The following TLE4 variants were observed in gnomAD, a reference collection of about 807,000 sequenced individuals.
The protein encoded by TLE4 is TLE family member 4, transcriptional corepressor.
A neutral mutation model predicts 92.8 loss-of-function variants in TLE4; 8 were observed. The observed-to-expected ratio is 0.09, with a 90% CI of 0.05 to 0.16. The LOEUF (loss-of-function observed/expected upper bound fraction) is 0.16, where lower values mean the gene tolerates loss of function less well. TLE4 is among the 10% of genes least tolerant of loss of function. TLE4 has a pLI of 1.00. For synonymous variants in TLE4, 371 were observed against 374.1 expected (o/e 0.99, Z 0.10); for missense variants, 675 against 997.6 (o/e 0.68, Z 4.36).
chr9:79,694,791 A>AG (rs1349926458), intron 8 of TLE4, among the ~76,000 whole-genome samples: 1 of 149,222 alleles, frequency 6.7e-6, no homozygotes, highest in Admixed American at 6.7e-5. Context: ...AAAAAAAAGC[A>AG]GGGGGGAGGA....
chr9:79,651,031 ATCTCTC>A (rs10580766), intron 6 of TLE4, among the ~76,000 whole-genome samples: 5,420 of 138,790 alleles, frequency 0.039, 225 homozygotes, highest in African/African-American at 0.1. Flanking sequence ...GGAATGATCG[ATCTCTC>A]TCTCTCTCTC....
chr9:79,593,718 A>G (rs2043242727), intron 4 of TLE4, among the ~76,000 whole-genome samples: 1 of 152,336 alleles, frequency 6.6e-6, no homozygotes, highest in African/African-American at 2.4e-5. Flanking sequence ...CTGTGTCTCC[A>G]TCATATATGC....
intron 9 of TLE4, 97 bp from the exon 10 acceptor site, chr9:79,705,792 T>C (rs2071374433): frequency 8.2e-7 from 1 of 1,215,404 alleles, no homozygotes; most frequent in African/African-American, 1.5e-5. Context: ...GTACAGCTCA[T>C]CTTTATAAGA....
intron 6 of TLE4, among the ~76,000 whole-genome samples, chr9:79,639,243 T>TA (rs1456838729): frequency 6.6e-6 from 1 of 152,016 alleles, no homozygotes; most frequent in Non-Finnish European, 1.5e-5. Context: ...GTGTGAGAAA[T>TA]AAAAATTCCT....
At chr9:79,708,304 A>C in intron 12 of TLE4, 54 bp downstream of exon 12, 1 of 1,582,880 alleles carries the variant, frequency 6.3e-7, no homozygotes, top group Non-Finnish European at 8.7e-7. Flanking sequence ...TAAGAATTTA[A>C]AGCAATTTAA....
chr9:79,688,053 TC>T (rs148355692), intron 8 of TLE4, among the ~76,000 whole-genome samples: 7,381 of 152,210 alleles, frequency 0.048, 250 homozygotes, highest in Non-Finnish European at 0.075. Flanking sequence ...GATGAGAACT[TC>T]CTTCCCTTGT....
intron 19 of TLE4, 102 bp downstream of exon 19, chr9:79,723,137 C>A: frequency 9.1e-7 from 1 of 1,100,590 alleles, no homozygotes. Context: ...GAGGTCAGAG[C>A]TAGTATTATG....
chr9:79,692,244 G>A (rs184612525), intron 8 of TLE4, among the ~76,000 whole-genome samples: 5 of 152,294 alleles, frequency 3.3e-5, no homozygotes, highest in African/African-American at 9.6e-5. Flanking sequence ...GAGGAAGAGC[G>A]CGACTTCTGA....
At chr9:79,623,497 G>T (rs2051594273) in intron 5 of TLE4, among the ~76,000 whole-genome samples, 1 of 152,110 alleles carries the variant, frequency 6.6e-6, no homozygotes, top group African/African-American at 2.4e-5. Flanking sequence ...ATGGAAGTAA[G>T]GCAAGTGATT....
chr9:79,635,461 C>T (rs2055499692), intron 6 of TLE4, among the ~76,000 whole-genome samples: 2 of 151,440 alleles, frequency 1.3e-5, no homozygotes, highest in African/African-American at 4.9e-5. Context: ...TAATCTTTGC[C>T]TAACCGAAGA....
chr9:79,702,664 A>C (rs1038917493), intron 8 of TLE4, among the ~76,000 whole-genome samples: 2 of 152,190 alleles, frequency 1.3e-5, no homozygotes, highest in Admixed American at 1.3e-4. Flanking sequence ...TGAACGTTTG[A>C]TAGGTCTAGG....
chr9:79,635,542 G>C (rs1211866911), intron 6 of TLE4, among the ~76,000 whole-genome samples: 1 of 141,994 alleles, frequency 7.0e-6, no homozygotes, highest in Non-Finnish European at 1.5e-5. Context: ...TTCAATTTTT[G>C]TTTATGGTAA....
At chr9:79,595,966 C>A (rs1587855961) in intron 4 of TLE4, among the ~76,000 whole-genome samples, 1 of 151,798 alleles carries the variant, frequency 6.6e-6, no homozygotes, top group Non-Finnish European at 1.5e-5. Context: ...CCTGCTTCAG[C>A]CTCCCAAGTA....
At chr9:79,624,941 G>A (rs1444798148) in intron 5 of TLE4, among the ~76,000 whole-genome samples, 1 of 151,008 alleles carries the variant, frequency 6.6e-6, no homozygotes, top group Non-Finnish European at 1.5e-5. Flanking sequence ...TGATACCTGT[G>A]TTGGATGTGA....
intron 5 of TLE4, among the ~76,000 whole-genome samples, chr9:79,621,337 C>T (rs2050921267): frequency 6.6e-6 from 1 of 152,076 alleles, no homozygotes; most frequent in South Asian, 2.1e-4. Flanking sequence ...GCCCATGACA[C>T]AGAGAAATTG....
intron 8 of TLE4, among the ~76,000 whole-genome samples, chr9:79,663,023 T>C (rs2060783827): frequency 6.6e-6 from 1 of 151,016 alleles, no homozygotes; most frequent in Admixed American, 6.6e-5. Context: ...GTCGTGACAT[T>C]TGTGATTTTA....
chr9:79,638,759 A>G (rs1365122518), intron 6 of TLE4, among the ~76,000 whole-genome samples: 1 of 152,188 alleles, frequency 6.6e-6, no homozygotes, highest in Non-Finnish European at 1.5e-5. Flanking sequence ...GAGAAGAAAC[A>G]GTTGAGAGGA....
chr9:79,631,784 G>A (rs1401311531), intron 6 of TLE4, among the ~76,000 whole-genome samples: 1 of 151,700 alleles, frequency 6.6e-6, no homozygotes, highest in African/African-American at 2.4e-5. Flanking sequence ...ATTTGGATGA[G>A]CCACCGTGGT....
At chr9:79,636,672 C>T (rs906352906) in intron 6 of TLE4, among the ~76,000 whole-genome samples, 1 of 152,126 alleles carries the variant, frequency 6.6e-6, no homozygotes, top group African/African-American at 2.4e-5. Context: ...TTACTCTTTG[C>T]TTCTAATTCA....
Sources: gnomAD v4.1 joint callset for allele counts (sites outside exome capture counted in the v4.1 genomes callset) on GRCh38, gnomAD v4.1.1 for gene constraint, MANE v1.5 for transcripts, NCBI Gene and HGNC (gene_info 2026-07-23, HGNC 2026-07-21) for gene names.